The following EPHA3 variants were observed in gnomAD, a reference collection of about 807,000 sequenced individuals.
EPHA3 encodes EPH receptor A3.
EPHA3 carries 42 observed loss-of-function variants against 107.1 expected under a neutral mutation model. The observed-to-expected ratio is 0.39, with a 90% CI of 0.31 to 0.51. The LOEUF is 0.51. Among genes scored for constraint, EPHA3 ranks in the 20% least tolerant of loss-of-function variants. EPHA3 has a pLI of 0.78. For synonymous variants in EPHA3, 461 were observed against 424.8 expected (o/e 1.09, Z -1.05); for missense variants, 1,183 against 1,211.2 (o/e 0.98, Z 0.35).
intron 5 of EPHA3, among the ~76,000 whole-genome samples, chr3:89,374,266 C>G (rs1475258138): frequency 6.6e-6 from 1 of 151,846 alleles, no homozygotes; most frequent in Admixed American, 6.6e-5. Context: ...TTAAATGGGT[C>G]CTTGCCATGT....
chr3:89,477,775 T>A (rs1354703871), intron 16 of EPHA3, among the ~76,000 whole-genome samples: 1 of 152,016 alleles, frequency 6.6e-6, no homozygotes, highest in African/African-American at 2.4e-5. Flanking sequence ...AAATTTGTAT[T>A]GAGCCCACTA....
chr3:89,293,448 G>A (rs1262874992), intron 3 of EPHA3, among the ~76,000 whole-genome samples: 1 of 152,014 alleles, frequency 6.6e-6, no homozygotes. Context: ...TCTTTTAAGG[G>A]GCCAGATAAT....
intron 2 of EPHA3, among the ~76,000 whole-genome samples, chr3:89,161,761 T>C (rs1704947803): frequency 6.6e-6 from 1 of 152,020 alleles, no homozygotes. Context: ...ATGAGTTGTT[T>C]ATCCCAGGAG....
In EPHA3 at chr3:89,369,677, G is replaced by C. The variant is rs866353828; in HGVS notation, c.1307-26160G>C. ...AAATGGGATCTAATTAAACTAAAGA[G>C]CTTCTGCACAGCAAAAGAAACTACC... On this transcript the variant is annotated intron_variant, in intron 5 of 16. Coordinates refer to ENST00000336596, the MANE Select transcript of EPHA3 (RefSeq NM_005233.6). 1.4e-4 allele frequency among the ~76,000 whole-genome samples: 21 copies of C among 148,338 alleles called. 2 individuals are homozygous for C. The highest frequency in any genetic ancestry group is 5.0e-4 in the African/African-American group (20 of 40,112).
In EPHA3 at chr3:89,402,339, A is replaced by C. The variant is rs542657449; in HGVS notation, c.1594+2859A>C. On this transcript the variant is annotated intron_variant, in intron 7 of 16. Transcript: ENST00000336596. Reference sequence around the variant, plus strand: ...AGAGAGAAGAGGAAAAAAGGATGGAAAAATATGAGCCTTTTTCTCCCTCCT... The same window carrying C: ...AGAGAGAAGAGGAAAAAAGGATGGACAAATATGAGCCTTTTTCTCCCTCCT... 3.3e-5 allele frequency among the ~76,000 whole-genome samples: 5 copies of C among 152,294 alleles called. No individual in the cohort carries two copies. In the South Asian group the frequency reaches 1.0e-3, roughly 32 times the overall value.
At chr3:89,329,011 C>G (rs970298472) in intron 3 of EPHA3, among the ~76,000 whole-genome samples, 23 of 152,120 alleles carry the variant, frequency 1.5e-4, no homozygotes, top group African/African-American at 5.1e-4. Flanking sequence ...CTTTCCCACC[C>G]TCTTCCCAAT....
chr3:89,162,596 G>T (rs1576195331), intron 2 of EPHA3, among the ~76,000 whole-genome samples: 1 of 152,152 alleles, frequency 6.6e-6, no homozygotes, highest in South Asian at 2.1e-4. Flanking sequence ...CATTTTGTAT[G>T]CTGAATGTTT....
intron 10 of EPHA3, among the ~76,000 whole-genome samples, chr3:89,415,986 T>G (rs1365065168): frequency 6.6e-6 from 1 of 151,362 alleles, no homozygotes; most frequent in Non-Finnish European, 1.5e-5. Flanking sequence ...TTTTTGAGGA[T>G]TAAACAAGAT....
In EPHA3 at chr3:89,125,589, A is replaced by G. The variant is rs368636765; in HGVS notation, c.89-1620A>G. On this transcript the variant is annotated intron_variant, in intron 1 of 16. Transcript: ENST00000336596. ...GGAAATTATACTATGTAATCCATGC[A>G]GCGGCTATCTATCTTCTGTTTTAAT... Among the ~76,000 whole-genome samples, 2 of 151,622 alleles carry G rather than the reference A, an allele frequency of 1.3e-5. 1 individual carries two copies. Among genetic ancestry groups the G allele is most frequent in the South Asian group, 4.1e-4 (2 of 4,826 alleles).
intron 3 of EPHA3, among the ~76,000 whole-genome samples, chr3:89,214,631 T>A (rs1464810455): frequency 6.6e-6 from 1 of 151,926 alleles, no homozygotes; most frequent in Non-Finnish European, 1.5e-5. Flanking sequence ...AAACCTCTAG[T>A]CTATTAAACC....
chr3:89,276,028 G>T (rs551880970), intron 3 of EPHA3, among the ~76,000 whole-genome samples: 1 of 152,194 alleles, frequency 6.6e-6, no homozygotes, highest in South Asian at 2.1e-4. Flanking sequence ...GTGAGGCATA[G>T]TACGGGGGAG....
intron 2 of EPHA3, among the ~76,000 whole-genome samples, chr3:89,194,145 T>C (rs1173894060): frequency 6.6e-6 from 1 of 152,040 alleles, no homozygotes; most frequent in East Asian, 1.9e-4. Context: ...ATGTAACTTT[T>C]CTTTAAAAAT....
intron 3 of EPHA3, among the ~76,000 whole-genome samples, chr3:89,323,428 C>G (rs1205655898): frequency 6.6e-6 from 1 of 152,062 alleles, no homozygotes; most frequent in Non-Finnish European, 1.5e-5. Flanking sequence ...AACCTGGGCT[C>G]TTAACAATTA....
chr3:89,246,992 G>A (rs1705049027), intron 3 of EPHA3, among the ~76,000 whole-genome samples: 1 of 152,142 alleles, frequency 6.6e-6, no homozygotes, highest in Non-Finnish European at 1.5e-5. Context: ...TGTAGTGCCT[G>A]TGGTCTTTAC....
chr3:89,293,850 A>G (rs1360305190), intron 3 of EPHA3, among the ~76,000 whole-genome samples: 1 of 152,124 alleles, frequency 6.6e-6, no homozygotes, highest in African/African-American at 2.4e-5. Flanking sequence ...CAGTGTGAAA[A>G]CAGACTAATA....
At chr3:89,284,167 T>C (rs1706019640) in intron 3 of EPHA3, among the ~76,000 whole-genome samples, 1 of 152,186 alleles carries the variant, frequency 6.6e-6, no homozygotes, top group African/African-American at 2.4e-5. Context: ...TTCTGGATTA[T>C]GTAACACCTA....
At chr3:89,478,314 G>A (rs1389218723) in intron 16 of EPHA3, among the ~76,000 whole-genome samples, 1 of 152,194 alleles carries the variant, frequency 6.6e-6, no homozygotes, top group African/African-American at 2.4e-5. Context: ...TGGCTGCACA[G>A]CAGCCTCCCC....
At chr3:89,206,362 G>C (rs558451965) in intron 2 of EPHA3, among the ~76,000 whole-genome samples, 1 of 152,246 alleles carries the variant, frequency 6.6e-6, no homozygotes, top group South Asian at 2.1e-4. Flanking sequence ...CCAGTAAAAT[G>C]CTGTTCATTG....
At chr3:89,136,479 T>C (rs984536558) in intron 2 of EPHA3, among the ~76,000 whole-genome samples, 13 of 151,470 alleles carry the variant, frequency 8.6e-5, no homozygotes, top group Non-Finnish European at 1.6e-4. Context: ...AAATGTTTTC[T>C]TGGTGCTTTA....
Sources: gnomAD v4.1 joint callset for allele counts (sites outside exome capture counted in the v4.1 genomes callset) on GRCh38, gnomAD v4.1.1 for gene constraint, MANE v1.5 for transcripts, NCBI Gene and HGNC (gene_info 2026-07-23, HGNC 2026-07-21) for gene names.